The following INSYN2B variants were observed in gnomAD, a reference collection of about 807,000 sequenced individuals.
The protein encoded by INSYN2B is inhibitory synaptic factor family member 2B.
In INSYN2B, 16 loss-of-function variants were observed where a neutral mutation model predicts 41.2. The ratio of observed to expected loss-of-function variants is 0.39; its 90% CI spans 0.26 to 0.59. INSYN2B has a LOEUF of 0.59. Ranked by LOEUF, INSYN2B falls within the 20% of genes least tolerant of loss-of-function variation. The pLI is 0.57. For synonymous variants in INSYN2B, 245 were observed against 244.4 expected, an observed-to-expected ratio of 1.00 and a Z score of -0.02; for missense variants, 608 against 646.4, an observed-to-expected ratio of 0.94 and a Z score of 0.64.
At chr5:169,938,812 C>T (rs888694708) in intron 1 of INSYN2B, among the ~76,000 whole-genome samples, 2 of 152,196 alleles carry the variant, frequency 1.3e-5, no homozygotes, top group African/African-American at 2.4e-5. Context: ...TTTGTAATAA[C>T]GCTTAGCTTA....
intron 1 of INSYN2B, among the ~76,000 whole-genome samples, chr5:169,950,966 A>G (rs897634646): frequency 6.6e-6 from 1 of 152,204 alleles, no homozygotes; most frequent in Non-Finnish European, 1.5e-5. Flanking sequence ...ATGAGACTAT[A>G]TAAAATTGGG....
chr5:169,894,904 ATGC>A, intron 1 of INSYN2B, among the ~76,000 whole-genome samples: 1 of 152,312 alleles, frequency 6.6e-6, no homozygotes, highest in South Asian at 2.1e-4. Context: ...CAAGGAGAAA[ATGC>A]TGCCAAATGT....
At chr5:169,898,190 A>C (rs1189797648) in intron 1 of INSYN2B, among the ~76,000 whole-genome samples, 1 of 152,068 alleles carries the variant, frequency 6.6e-6, no homozygotes. Flanking sequence ...ATGAACAAGT[A>C]TGTGTCCCTG....
At chr5:169,938,859 C>A (rs1246730141) in intron 1 of INSYN2B, among the ~76,000 whole-genome samples, 1 of 151,584 alleles carries the variant, frequency 6.6e-6, no homozygotes, top group Non-Finnish European at 1.5e-5. Flanking sequence ...AAAATATTTT[C>A]TTTCTTCATA....
intron 3 of INSYN2B, among the ~76,000 whole-genome samples, chr5:169,866,131 G>T (rs183635518): frequency 6.6e-6 from 1 of 152,132 alleles, no homozygotes; most frequent in Non-Finnish European, 1.5e-5. Context: ...CTGATGGGGT[G>T]TTAGTTCTTA....
rs1475310156 is a variant in INSYN2B at position 169,883,649 on chromosome 5, G to C, written c.250C>G (p.Pro84Ala). ...AAGCCCCCTGCCTTCTGGGACCTGG[G>C]GAAGGAGAGCGAGTAGGTGGGGGGA... ...HLPPTYSLSF[P>A]RSQKAGGFRN... Residue 84 changes from proline to alanine, a missense_variant, in exon 2 of 4, where the codon CCC becomes GCC. Transcript: ENST00000377365. 1 of 1,551,268 alleles carries C rather than the reference G, an allele frequency of 6.4e-7. No homozygotes were observed. The highest frequency in any genetic ancestry group is 1.2e-5 in the South Asian group (1 of 84,032).
Position 169,940,191 on chromosome 5 carries a change from G to A in INSYN2B, c.-919+40086C>T, listed in dbSNP as rs17738017. On this transcript the variant is annotated intron_variant, in intron 1 of 3. Coordinates refer to ENST00000377365, the MANE Select transcript of INSYN2B (RefSeq NM_001129891.3). ...TACAGATCTTTAGAAGGGACCTGCT[G>A]CTTTAACAATGAAGGTAGAACTGTG... Among the ~76,000 whole-genome samples the A allele has an allele frequency of 7.9e-3, 1,210 of 152,330 alleles. 62 individuals carry two copies. In the East Asian group the frequency reaches 0.13, roughly 17 times the overall value.
chr5:169,879,178 G>A (rs1772495538), intron 3 of INSYN2B, among the ~76,000 whole-genome samples: 1 of 152,152 alleles, frequency 6.6e-6, no homozygotes, highest in African/African-American at 2.4e-5. Context: ...AGACCCAGTG[G>A]GCAATCCATC....
At chr5:169,865,848 C>T (rs1215418430) in intron 3 of INSYN2B, among the ~76,000 whole-genome samples, 1 of 152,220 alleles carries the variant, frequency 6.6e-6, no homozygotes, top group Non-Finnish European at 1.5e-5. Flanking sequence ...GGCTGGAAAA[C>T]AGCTGTCATT....
In INSYN2B at chr5:169,980,316, T is replaced by A. The variant is rs1469981733; in HGVS notation, c.-958A>T. 1 of 152,238 alleles carries A rather than the reference T, an allele frequency of 6.6e-6. No individual in the cohort carries two copies. The highest frequency in any genetic ancestry group is 2.4e-5 in the African/African-American group (1 of 41,464). The allele number at this position is 152,238 out of a possible 1,614,324, so 9.4% of individuals were successfully genotyped here. On this transcript the variant is annotated 5_prime_UTR_variant, in exon 1 of 4. Transcript: ENST00000377365. ...ATTACCTGCAGAGGATGGTCCCCCT[T>A]CCTTGCACAATGAGCCAGGCTTTGA...
intron 1 of INSYN2B, among the ~76,000 whole-genome samples, chr5:169,941,883 C>T (rs1481910951): frequency 2.6e-5 from 4 of 152,184 alleles, no homozygotes; most frequent in Non-Finnish European, 4.4e-5. Context: ...AGCAGGGTCA[C>T]GCTGCATCAG....
At chr5:169,867,200 G>T (rs1771619316) in intron 3 of INSYN2B, among the ~76,000 whole-genome samples, 1 of 152,202 alleles carries the variant, frequency 6.6e-6, no homozygotes, top group South Asian at 2.1e-4. Flanking sequence ...CCAGGGTATG[G>T]GCAGGACCCA....
chr5:169,901,832 T>C (rs1773942995), intron 1 of INSYN2B, among the ~76,000 whole-genome samples: 1 of 152,134 alleles, frequency 6.6e-6, no homozygotes, highest in Non-Finnish European at 1.5e-5. Context: ...TGTGCTATGG[T>C]GTTACCACCA....
At chr5:169,956,095 C>G (rs1581469041) in intron 1 of INSYN2B, among the ~76,000 whole-genome samples, 1 of 151,502 alleles carries the variant, frequency 6.6e-6, no homozygotes, top group Non-Finnish European at 1.5e-5. Context: ...ATCTTCCTGG[C>G]TTTGCCACAA....
chr5:169,940,915 C>A (rs1439089218), intron 1 of INSYN2B, among the ~76,000 whole-genome samples: 1 of 152,200 alleles, frequency 6.6e-6, no homozygotes, highest in Admixed American at 6.5e-5. Context: ...TGCTGCTAAT[C>A]ATACAGTGAG....
chr5:169,932,408 G>A (rs535322380), intron 1 of INSYN2B, among the ~76,000 whole-genome samples: 1 of 152,172 alleles, frequency 6.6e-6, no homozygotes, highest in African/African-American at 2.4e-5. Context: ...CATGAAGTAG[G>A]GAGAGAATGG....
intron 1 of INSYN2B, among the ~76,000 whole-genome samples, chr5:169,908,989 G>A (rs192952626): frequency 2.4e-4 from 37 of 152,334 alleles, no homozygotes; most frequent in African/African-American, 7.9e-4. Flanking sequence ...CTGGCAGAGA[G>A]AGCCACTGTC....
At chr5:169,938,711 A>C (rs1776099081) in intron 1 of INSYN2B, among the ~76,000 whole-genome samples, 1 of 152,198 alleles carries the variant, frequency 6.6e-6, no homozygotes, top group Non-Finnish European at 1.5e-5. Flanking sequence ...GCTATGCTAC[A>C]TTTATTAAAA....
rs985138521 is a variant in INSYN2B at position 169,863,521 on chromosome 5, A to G, written c.*752T>C. On this transcript the variant is annotated 3_prime_UTR_variant, in exon 4 of 4. Coordinates refer to ENST00000377365, the MANE Select transcript of INSYN2B (RefSeq NM_001129891.3). Reference sequence around the variant, plus strand: ...CTCAGGCCCTAGGCAGAGAAGAAGCATGATGGTTTAGGGTGGGCCCTGGAA... The same window carrying G: ...CTCAGGCCCTAGGCAGAGAAGAAGCGTGATGGTTTAGGGTGGGCCCTGGAA... Among the ~76,000 whole-genome samples the G allele has an allele frequency of 3.3e-5, 5 of 152,246 alleles. No homozygotes were observed. Among genetic ancestry groups the G allele is most frequent in the African/African-American group, 9.6e-5 (4 of 41,474 alleles).
Sources: gnomAD v4.1 joint callset for allele counts (sites outside exome capture counted in the v4.1 genomes callset) on GRCh38, gnomAD v4.1.1 for gene constraint, MANE v1.5 for transcripts, NCBI Gene and HGNC (gene_info 2026-07-23, HGNC 2026-07-21) for gene names.